The following B3GALT1 variants were observed in gnomAD, a reference collection of about 807,000 sequenced individuals.
The protein encoded by B3GALT1 is UDP-Gal:betaGlcNAc beta 1,3-galactosyltransferase, polypeptide 1.
A neutral mutation model predicts 23.2 loss-of-function variants in B3GALT1; 10 were observed. The ratio of observed to expected loss-of-function variants is 0.43; its 90% CI spans 0.27 to 0.73. The LOEUF is 0.73. B3GALT1 is among the 30% of genes least tolerant of loss of function. The probability of loss-of-function intolerance (pLI) is 0.21; values close to 1 mark genes in which losing one functional copy is unlikely to be tolerated. For synonymous variants in B3GALT1, 156 were observed against 141.5 expected, an observed-to-expected ratio of 1.10 and a Z score of -0.73; for missense variants, 299 against 405.4, an observed-to-expected ratio of 0.74 and a Z score of 2.25.
At chr2:167,858,444 T>C (rs574788212) in intron 4 of B3GALT1, among the ~76,000 whole-genome samples, 4 of 152,266 alleles carry the variant, frequency 2.6e-5, no homozygotes, top group African/African-American at 9.6e-5. Context: ...TCTCTGAATT[T>C]GTCTTTATTT....
intron 4 of B3GALT1, among the ~76,000 whole-genome samples, chr2:167,859,333 CCT>C (rs1430128128): frequency 1.3e-5 from 2 of 152,056 alleles, no homozygotes. Context: ...TTCATTTTTC[CCT>C]GAGAGGATTG....
intron 2 of B3GALT1, among the ~76,000 whole-genome samples, chr2:167,635,238 A>G (rs567341431): frequency 6.2e-4 from 94 of 152,290 alleles, no homozygotes; most frequent in Non-Finnish European, 1.1e-3. Flanking sequence ...CGCACAGTCA[A>G]TATCATACTG....
At chr2:167,548,749 A>T (rs1236027286) in intron 2 of B3GALT1, among the ~76,000 whole-genome samples, 1 of 150,974 alleles carries the variant, frequency 6.6e-6, no homozygotes, top group Non-Finnish European at 1.5e-5. Flanking sequence ...ATAAAATTTT[A>T]TCTTAAGTCT....
chr2:167,820,842 CCTT>C (rs1574280782), intron 4 of B3GALT1, among the ~76,000 whole-genome samples: 1 of 152,210 alleles, frequency 6.6e-6, no homozygotes, highest in South Asian at 2.1e-4. Flanking sequence ...TTAGAGTTCT[CCTT>C]CTACTACAGG....
At chr2:167,456,308 A>G (rs1407742746) in intron 1 of B3GALT1, among the ~76,000 whole-genome samples, 1 of 152,146 alleles carries the variant, frequency 6.6e-6, no homozygotes, top group Non-Finnish European at 1.5e-5. Context: ...CTCACTTATC[A>G]CTAAGGTGAT....
At chr2:167,578,515 C>T (rs967267432) in intron 2 of B3GALT1, among the ~76,000 whole-genome samples, 1 of 151,362 alleles carries the variant, frequency 6.6e-6, no homozygotes, top group African/African-American at 2.4e-5. Flanking sequence ...GAATTTTCTT[C>T]GAGGTTTTCT....
chr2:167,587,349 A>C (rs1322146334), intron 2 of B3GALT1, among the ~76,000 whole-genome samples: 1 of 152,198 alleles, frequency 6.6e-6, no homozygotes, highest in African/African-American at 2.4e-5. Context: ...CTTTGTAAAC[A>C]CGGCTTCTTC....
At chr2:167,683,241 T>C (rs1686564667) in intron 3 of B3GALT1, among the ~76,000 whole-genome samples, 1 of 152,138 alleles carries the variant, frequency 6.6e-6, no homozygotes, top group African/African-American at 2.4e-5. Flanking sequence ...ATATCTGTAC[T>C]TCTTTATATT....
chr2:167,630,788 A>G (rs762856321), intron 2 of B3GALT1, among the ~76,000 whole-genome samples: 1 of 151,798 alleles, frequency 6.6e-6, no homozygotes, highest in Non-Finnish European at 1.5e-5. Context: ...CTTTGAAAGA[A>G]TGATCCAAAT....
intron 1 of B3GALT1, among the ~76,000 whole-genome samples, chr2:167,479,097 A>C (rs1440689512): frequency 6.6e-6 from 1 of 151,910 alleles, no homozygotes; most frequent in Admixed American, 6.6e-5. Flanking sequence ...AATAAATAAT[A>C]AATAAATAAA....
chr2:167,716,948 CATATT>C (rs1687154587), intron 3 of B3GALT1, among the ~76,000 whole-genome samples: 1 of 152,116 alleles, frequency 6.6e-6, no homozygotes, highest in Non-Finnish European at 1.5e-5. Flanking sequence ...AACCCTCTGT[CATATT>C]ATGTCTCTTT....
chr2:167,428,440 T>A (rs528769243), intron 1 of B3GALT1, among the ~76,000 whole-genome samples: 1 of 152,214 alleles, frequency 6.6e-6, no homozygotes, highest in Admixed American at 6.5e-5. Context: ...TTTGGGGGGC[T>A]GAGGTGAGAG....
intron 3 of B3GALT1, among the ~76,000 whole-genome samples, chr2:167,663,999 C>T (rs1283800172): frequency 6.6e-6 from 1 of 150,862 alleles, no homozygotes; most frequent in Non-Finnish European, 1.5e-5. Flanking sequence ...GCTTTTGTTG[C>T]CATTGCTTTT....
At chr2:167,496,233 T>TG (rs1559113740) in intron 2 of B3GALT1, among the ~76,000 whole-genome samples, 1 of 152,182 alleles carries the variant, frequency 6.6e-6, no homozygotes, top group East Asian at 1.9e-4. Context: ...TAAAGTTGAC[T>TG]GGGGAGTGGG....
intron 3 of B3GALT1, among the ~76,000 whole-genome samples, chr2:167,684,160 G>A (rs1360845935): frequency 2.0e-5 from 3 of 152,174 alleles, no homozygotes; most frequent in African/African-American, 4.8e-5. Context: ...TTCTTGGAGG[G>A]AGAAATGCTA....
chr2:167,357,857 A>C (rs1697439389), intron 1 of B3GALT1, among the ~76,000 whole-genome samples: 2 of 152,234 alleles, frequency 1.3e-5, no homozygotes, highest in African/African-American at 4.8e-5. Flanking sequence ...TATAAATGAT[A>C]GGTAAAACTA....
At chr2:167,713,962 T>A in intron 3 of B3GALT1, 1 of 1,559,872 alleles carries the variant, frequency 6.4e-7, no homozygotes, top group East Asian at 2.2e-5. Context: ...CTGGAAACAA[T>A]GGACCACTGA....
chr2:167,517,231 T>C (rs1303765460), intron 2 of B3GALT1, among the ~76,000 whole-genome samples: 1 of 151,932 alleles, frequency 6.6e-6, no homozygotes, highest in Non-Finnish European at 1.5e-5. Context: ...GGTTTTTTTT[T>C]CAGTGCATCT....
chr2:167,714,691 T>G, intron 3 of B3GALT1: 1 of 1,613,928 alleles, frequency 6.2e-7, no homozygotes, highest in Non-Finnish European at 8.5e-7. Flanking sequence ...TATGTCCTTT[T>G]TTCTCGTAGG....
Sources: gnomAD v4.1 joint callset for allele counts (sites outside exome capture counted in the v4.1 genomes callset) on GRCh38, gnomAD v4.1.1 for gene constraint, MANE v1.5 for transcripts, NCBI Gene and HGNC (gene_info 2026-07-23, HGNC 2026-07-21) for gene names.